The following TBC1D23 variants were observed in gnomAD, a reference collection of about 807,000 sequenced individuals.
TBC1D23 encodes the protein HCV non-structural protein 4A-transactivated protein 1.
In TBC1D23, 55 loss-of-function variants were observed where a neutral mutation model predicts 91.4. The ratio of observed to expected loss-of-function variants is 0.60; its 90% CI spans 0.48 to 0.75. The LOEUF is 0.75. Ranked by LOEUF, TBC1D23 falls within the 30% of genes least tolerant of loss-of-function variation. TBC1D23 has a pLI of 0.00. For synonymous variants in TBC1D23, 289 were observed against 281.0 expected, an observed-to-expected ratio of 1.03 and a Z score of -0.28; for missense variants, 725 against 836.1, an observed-to-expected ratio of 0.87 and a Z score of 1.64.
intron 1 of TBC1D23, among the ~76,000 whole-genome samples, chr3:100,272,106 A>G (rs533770975): frequency 6.6e-6 from 1 of 152,310 alleles, no homozygotes; most frequent in African/African-American, 2.4e-5. Flanking sequence ...ATTGAGCCAC[A>G]TGTTTTTATA....
chr3:100,291,539 C>T (rs2067790159), intron 5 of TBC1D23, among the ~76,000 whole-genome samples: 1 of 149,670 alleles, frequency 6.7e-6, no homozygotes, highest in Non-Finnish European at 1.5e-5. Flanking sequence ...GCCGAGATTG[C>T]ACCACTGCAC....
chr3:100,275,685 C>G (rs2067642936), intron 1 of TBC1D23, among the ~76,000 whole-genome samples: 1 of 152,124 alleles, frequency 6.6e-6, no homozygotes, highest in African/African-American at 2.4e-5. Flanking sequence ...ATGTATCATA[C>G]ACTTAACCAG....
intron 3 of TBC1D23, among the ~76,000 whole-genome samples, 190 bp downstream of exon 3, chr3:100,282,037 T>C (rs1160953188): frequency 6.6e-6 from 1 of 152,168 alleles, no homozygotes; most frequent in African/African-American, 2.4e-5. Flanking sequence ...TTTGACTGGG[T>C]GCAGTGACTC....
chr3:100,282,357 A>G (rs919919951), intron 3 of TBC1D23, among the ~76,000 whole-genome samples: 2 of 152,162 alleles, frequency 1.3e-5, no homozygotes, highest in Non-Finnish European at 2.9e-5. Context: ...CTTTTGCATT[A>G]TATGTTAGAT....
intron 10 of TBC1D23, chr3:100,301,707 A>G (rs186848095): frequency 1.2e-5 from 2 of 169,108 alleles, no homozygotes; most frequent in South Asian, 1.6e-4. Flanking sequence ...AGGGGAAACT[A>G]AAAAATAGAG....
At chr3:100,274,808 T>A (rs949237290) in intron 1 of TBC1D23, among the ~76,000 whole-genome samples, 109 of 148,280 alleles carry the variant, frequency 7.4e-4, no homozygotes, top group African/African-American at 2.6e-3. Flanking sequence ...ACTTATTAAT[T>A]ACATATATAA....
At chr3:100,315,362 A>T (rs1415256695) in intron 15 of TBC1D23, among the ~76,000 whole-genome samples, 2 of 151,974 alleles carry the variant, frequency 1.3e-5, no homozygotes, top group East Asian at 3.9e-4. Flanking sequence ...GAGTTTCTCC[A>T]CGTTGGTCAG....
At chr3:100,268,626 A>ATC (rs546479537) in intron 1 of TBC1D23, among the ~76,000 whole-genome samples, 5 of 152,170 alleles carry the variant, frequency 3.3e-5, no homozygotes, top group East Asian at 3.8e-4. Context: ...CATAGGTAAT[A>ATC]TCTCTCTCTC....
rs1222115339 is a variant in TBC1D23 at position 100,312,450 on chromosome 3, C to A, written c.1598+573C>A. Among the ~76,000 whole-genome samples the A allele has an allele frequency of 2.6e-5, 4 of 152,184 alleles. No homozygotes were observed. The East Asian group carries it at 7.7e-4, about 29-fold the overall frequency. Reference sequence around the variant, plus strand: ...TTTGGTTTTTGTTGAAAAAAAATTACATTTTTTTCTAGGTAGTTGATTACT... The same window carrying A: ...TTTGGTTTTTGTTGAAAAAAAATTAAATTTTTTTCTAGGTAGTTGATTACT... On this transcript the variant is annotated intron_variant, in intron 15 of 18. Coordinates refer to ENST00000394144, the MANE Select transcript of TBC1D23 (RefSeq NM_001199198.3).
intron 1 of TBC1D23, among the ~76,000 whole-genome samples, chr3:100,273,098 A>G (rs922028316): frequency 6.6e-6 from 1 of 152,212 alleles, no homozygotes; most frequent in Non-Finnish European, 1.5e-5. Context: ...GCCATATTTC[A>G]GACTATCACA....
At chr3:100,281,451 T>A (rs1456783093) in intron 2 of TBC1D23, among the ~76,000 whole-genome samples, 1 of 152,232 alleles carries the variant, frequency 6.6e-6, no homozygotes, top group East Asian at 1.9e-4. Flanking sequence ...CATTCTGTTG[T>A]TTTTACATTA....
intron 1 of TBC1D23, among the ~76,000 whole-genome samples, chr3:100,265,825 A>G (rs1266949677): frequency 2.0e-5 from 3 of 152,104 alleles, no homozygotes; most frequent in South Asian, 2.1e-4. Flanking sequence ...AGAATCTTCT[A>G]TTGTTGTTAA....
chr3:100,306,431 C>A lies in TBC1D23; in HGVS notation c.1307-6C>A. On this transcript the variant is annotated splice_polypyrimidine_tract_variant and splice_region_variant and intron_variant, in intron 12 of 18. Transcript: ENST00000394144. ...GGTTTTTCTTTTTTTTTTAATTTAT[C>A]TTAAGCACTGCAGCAGCACCTGGCA... 4 of 1,542,890 alleles carry A rather than the reference C, an allele frequency of 2.6e-6. No homozygotes were observed. Among genetic ancestry groups the A allele is most frequent in the Non-Finnish European group, 2.7e-6 (3 of 1,124,840 alleles).
At chr3:100,306,351 C>T in intron 12 of TBC1D23, 86 bp from the exon 13 acceptor site, 1 of 726,762 alleles carries the variant, frequency 1.4e-6, no homozygotes. Flanking sequence ...TCAGCTGTGA[C>T]ATGTTTATTG....
intron 10 of TBC1D23, among the ~76,000 whole-genome samples, chr3:100,301,524 A>G (rs1277868126): frequency 2.0e-5 from 3 of 152,110 alleles, no homozygotes; most frequent in Admixed American, 6.6e-5. Flanking sequence ...CTTTTTGTGT[A>G]TCTCCATTAA....
intron 5 of TBC1D23, among the ~76,000 whole-genome samples, chr3:100,292,298 G>A (rs1226216374): frequency 1.3e-5 from 2 of 152,126 alleles, no homozygotes; most frequent in African/African-American, 4.8e-5. Context: ...CTAAAACAAT[G>A]ATTGGGTCCT....
At chr3:100,267,796 G>C (rs2067568762) in intron 1 of TBC1D23, among the ~76,000 whole-genome samples, 1 of 152,168 alleles carries the variant, frequency 6.6e-6, no homozygotes, top group Admixed American at 6.5e-5. Context: ...CTGTACATTT[G>C]CATAGAGCGT....
Position 100,315,985 on chromosome 3 carries a change from G to T in TBC1D23, c.1599-114G>T, listed in dbSNP as rs925956923. On this transcript the variant is annotated intron_variant, in intron 15 of 18. Coordinates refer to ENST00000394144, the MANE Select transcript of TBC1D23 (RefSeq NM_001199198.3). The stretch of plus-strand genomic sequence containing the variant: ...ACTATGGGTAGTACATGGGGTTTTG[G>T]GGGGGTCAGGTAAGGAATAATTACA... The T allele has an allele frequency of 1.4e-5, 11 of 795,334 alleles. No individual in the cohort carries two copies. In the East Asian group the frequency reaches 2.5e-4, roughly 18 times the overall value. 49.3% of individuals were successfully genotyped at this position (795,334 alleles called of 1,614,324 possible). A position where few individuals can be genotyped will look rare whatever the true frequency, so the allele number is the denominator to read the frequency against.
Position 100,304,852 on chromosome 3 carries a change from A to G in TBC1D23, c.1270A>G (p.Lys424Glu), listed in dbSNP as rs775388493. The change falls in exon 12 of 19, where the codon AAA (lysine) becomes GAA (glutamate). Residue 424 changes from lysine (K) to glutamate (E), a missense_variant. By Grantham distance (56) the Lys-to-Glu change is moderately conservative. Transcript: ENST00000394144. The stretch of plus-strand genomic sequence containing the variant: ...ATTTTCTTTTCCATTACAGAAAAAC[A>G]AAGAATATGTGAGTATTGCCAGTGG... ...MVLAHFLQKN[K>E]EYVSIASGGF... The G allele has an allele frequency of 6.7e-7, 1 of 1,491,054 alleles. No homozygotes were observed. Among genetic ancestry groups the G allele is most frequent in the Non-Finnish European group, 9.3e-7 (1 of 1,071,410 alleles). 92.4% of individuals were successfully genotyped at this position (1,491,054 alleles called of 1,614,324 possible). A position where few individuals can be genotyped will look rare whatever the true frequency, so the allele number is the denominator to read the frequency against.
Sources: gnomAD v4.1 joint callset for allele counts (sites outside exome capture counted in the v4.1 genomes callset) on GRCh38, gnomAD v4.1.1 for gene constraint, MANE v1.5 for transcripts, NCBI Gene and HGNC (gene_info 2026-07-23, HGNC 2026-07-21) for gene names.